NTRK2: variants seen among roughly 807,000 people sequenced by gnomAD.
NTRK2 encodes BDNF/NT-3 growth factors receptor.
NTRK2 carries 13 observed loss-of-function variants against 94.5 expected under a neutral mutation model. The observed-to-expected ratio is 0.14, with a 90% CI of 0.09 to 0.22. The LOEUF (loss-of-function observed/expected upper bound fraction) is 0.22, where lower values mean the gene tolerates loss of function less well. NTRK2 is among the 10% of genes least tolerant of loss of function. The probability of loss-of-function intolerance (pLI) is 1.00; values close to 1 mark genes in which losing one functional copy is unlikely to be tolerated. For missense variants in NTRK2, 639 were observed against 1,071.2 expected (o/e 0.60, Z 5.63); for synonymous variants, 372 against 407.4 (o/e 0.91, Z 1.05).
intron 2 of NTRK2, among the ~76,000 whole-genome samples, chr9:84,695,036 CAG>C (rs1370741436): frequency 1.7e-5 from 2 of 115,150 alleles, no homozygotes; most frequent in Non-Finnish European, 3.3e-5. Flanking sequence ...GCCTGGGTGA[CAG>C]AGTGAGACTC....
chr9:84,981,288 G>A (rs1410082983), intron 17 of NTRK2, among the ~76,000 whole-genome samples: 2 of 151,736 alleles, frequency 1.3e-5, no homozygotes, highest in African/African-American at 4.8e-5. Context: ...GTTTAGTAGA[G>A]AGTGGTTTTT....
Position 84,813,935 on chromosome 9 carries a change from T to C in NTRK2, c.1397-47105T>C, listed in dbSNP as rs200392911. The C allele has an allele frequency of 1.7e-4, 180 of 1,065,508 alleles. 1 individual carries two copies. The African/African-American group carries it at 2.7e-3, about 16-fold the overall frequency. The allele number at this position is 1,065,508 out of a possible 1,614,324, so 66.0% of individuals were successfully genotyped here. On this transcript the variant is annotated intron_variant, in intron 12 of 18. Transcript: ENST00000277120. ...ACCCTCTCAGGCTGCTGAGCTAGAC[T>C]AAGGAATGCATCCACCGTCATCACA...
intron 17 of NTRK2, among the ~76,000 whole-genome samples, chr9:85,009,108 G>A (rs1222773447): frequency 3.9e-5 from 6 of 152,220 alleles, no homozygotes; most frequent in Admixed American, 3.3e-4. Context: ...TCTGCTTCCA[G>A]GCTTCTCCAA....
intron 6 of NTRK2, among the ~76,000 whole-genome samples, chr9:84,717,353 A>G (rs1290636185): frequency 6.6e-6 from 1 of 152,158 alleles, no homozygotes; most frequent in African/African-American, 2.4e-5. Flanking sequence ...ATCCAAAATG[A>G]CTAGAGATTT....
intron 12 of NTRK2, among the ~76,000 whole-genome samples, chr9:84,799,017 A>T (rs144946753): frequency 4.0e-5 from 6 of 151,626 alleles, no homozygotes; most frequent in Admixed American, 3.9e-4. Context: ...AAACTGAGGC[A>T]ACTTGCCCAA....
intron 12 of NTRK2, among the ~76,000 whole-genome samples, chr9:84,778,951 C>T (rs766075879): frequency 2.6e-5 from 4 of 152,162 alleles, no homozygotes; most frequent in Non-Finnish European, 5.9e-5. Flanking sequence ...CAGTGAGATG[C>T]CCTTTTCATA....
Position 84,748,905 on chromosome 9 carries a change from C to T in NTRK2, c.1297-3081C>T, listed in dbSNP as rs983777511. Reference sequence around the variant, plus strand: ...TAATTAGCTTTGTAGGAGTTGCTACCATTCTGTTTGTATATAGGCTGCAGA... The same window carrying T: ...TAATTAGCTTTGTAGGAGTTGCTACTATTCTGTTTGTATATAGGCTGCAGA... On this transcript the variant is annotated intron_variant, in intron 11 of 18. Transcript: ENST00000277120. Among the ~76,000 whole-genome samples the T allele has an allele frequency of 6.6e-5, 10 of 152,192 alleles. No individual in the cohort carries two copies. In the Middle Eastern group the frequency reaches 0.01, roughly 155 times the overall value.
chr9:84,859,033 C>T (rs2075204164), intron 12 of NTRK2, among the ~76,000 whole-genome samples: 1 of 152,118 alleles, frequency 6.6e-6, no homozygotes, highest in Admixed American at 6.5e-5. Flanking sequence ...GGCTGAGGAC[C>T]AAGGAAGAAG....
intron 15 of NTRK2, among the ~76,000 whole-genome samples, chr9:84,941,625 A>G (rs905754937): frequency 6.6e-6 from 1 of 152,324 alleles, no homozygotes; most frequent in South Asian, 2.1e-4. Flanking sequence ...ATGGTCTACC[A>G]TGATCCACCA....
chr9:84,989,689 C>T (rs755109814), intron 17 of NTRK2, among the ~76,000 whole-genome samples: 34 of 152,202 alleles, frequency 2.2e-4, no homozygotes, highest in Non-Finnish European at 4.6e-4. Flanking sequence ...TTCCAAAAGC[C>T]GCAGAGCAGA....
chr9:84,903,327 G>A (rs538508864), intron 14 of NTRK2, among the ~76,000 whole-genome samples: 3 of 152,226 alleles, frequency 2.0e-5, no homozygotes, highest in Non-Finnish European at 2.9e-5. Context: ...TTTTGCTGCC[G>A]GGTTGATGTT....
intron 17 of NTRK2, among the ~76,000 whole-genome samples, chr9:84,974,638 G>A (rs1336391832): frequency 6.6e-6 from 1 of 152,196 alleles, no homozygotes; most frequent in Non-Finnish European, 1.5e-5. Flanking sequence ...GCAGCATGGA[G>A]AATGGGCTGT....
intron 14 of NTRK2, chr9:84,876,878 G>A: frequency 5.6e-6 from 6 of 1,062,758 alleles, no homozygotes; most frequent in Non-Finnish European, 6.8e-6. Context: ...TTTGTTCTGG[G>A]TTGATGGCAA....
intron 6 of NTRK2, among the ~76,000 whole-genome samples, chr9:84,722,460 G>C (rs1457669750): frequency 6.6e-6 from 1 of 152,100 alleles, no homozygotes; most frequent in Non-Finnish European, 1.5e-5. Flanking sequence ...AGGTGGGTGG[G>C]TTAATTGCAA....
Position 85,022,974 on chromosome 9 carries a change from A to G in NTRK2, c.*1537A>G, listed in dbSNP as rs945253469. Reference sequence around the variant, plus strand: ...CCTTGCTCTGGGCTCTAGTTGGGAGAGTGGTTTCATTCCAAGTGTACTCCA... The same window carrying G: ...CCTTGCTCTGGGCTCTAGTTGGGAGGGTGGTTTCATTCCAAGTGTACTCCA... On this transcript the variant is annotated 3_prime_UTR_variant, in exon 19 of 19. Coordinates refer to ENST00000277120, the MANE Select transcript of NTRK2 (RefSeq NM_006180.6). 4.3e-6 allele frequency: 1 copy of G among 232,916 alleles called. No individual in the cohort carries two copies. The highest frequency in any genetic ancestry group is 2.2e-5 in the African/African-American group (1 of 45,268). The allele number at this position is 232,916 out of a possible 1,614,324, so 14.4% of individuals were successfully genotyped here. A position where few individuals can be genotyped will look rare whatever the true frequency, so the allele number is the denominator to read the frequency against.
chr9:84,974,857 G>T (rs1588090196), intron 17 of NTRK2, among the ~76,000 whole-genome samples: 1 of 152,170 alleles, frequency 6.6e-6, no homozygotes, highest in East Asian at 1.9e-4. Context: ...CGGCTGTTTG[G>T]GAGTTAAGGG....
intron 2 of NTRK2, among the ~76,000 whole-genome samples, chr9:84,698,024 T>C (rs2060492282): frequency 6.6e-6 from 1 of 152,192 alleles, no homozygotes; most frequent in Non-Finnish European, 1.5e-5. Flanking sequence ...CATAATAACT[T>C]TATATAATTA....
intron 12 of NTRK2, among the ~76,000 whole-genome samples, chr9:84,757,425 G>T (rs868216644): frequency 6.6e-6 from 1 of 152,104 alleles, no homozygotes; most frequent in Middle Eastern, 3.2e-3. Flanking sequence ...TTTTTTGGGG[G>T]TAACAATTTG....
At chr9:85,016,222 G>A (rs533178990) in intron 17 of NTRK2, among the ~76,000 whole-genome samples, 1 of 152,318 alleles carries the variant, frequency 6.6e-6, no homozygotes, top group South Asian at 2.1e-4. Context: ...AAAGACAGAA[G>A]CCAGACCTGA....
Sources: gnomAD v4.1 joint callset for allele counts (sites outside exome capture counted in the v4.1 genomes callset) on GRCh38, gnomAD v4.1.1 for gene constraint, MANE v1.5 for transcripts, NCBI Gene and HGNC (gene_info 2026-07-23, HGNC 2026-07-21) for gene names.